Variants in TRUB1 observed in about 807,000 individuals in gnomAD.
The protein encoded by TRUB1 is TruB pseudouridine synthase family member 1.
In TRUB1, 23 loss-of-function variants were observed where a neutral mutation model predicts 33.9. The ratio of observed to expected loss-of-function variants is 0.68; its 90% confidence interval spans 0.49 to 0.96. TRUB1 has a LOEUF of 0.96. TRUB1 is among the 40% of genes least tolerant of loss of function. TRUB1 has a pLI of 0.00. For missense variants in TRUB1, 378 were observed against 422.2 expected (o/e 0.90, Z 0.92); for synonymous variants, 163 against 165.4 (o/e 0.99, Z 0.11).
At chr10:114,940,309 C>G (rs897365778) in intron 1 of TRUB1, among the ~76,000 whole-genome samples, 5 of 152,000 alleles carry the variant, frequency 3.3e-5, no homozygotes, top group African/African-American at 1.2e-4. Flanking sequence ...TTGGTAGAGA[C>G]GGGGTTTCTC....
At chr10:114,963,278 T>C (rs1479746439) in intron 4 of TRUB1, among the ~76,000 whole-genome samples, 1 of 152,204 alleles carries the variant, frequency 6.6e-6, no homozygotes, top group African/African-American at 2.4e-5. Flanking sequence ...TATCTAATGG[T>C]ACTGTCTCCT....
intron 1 of TRUB1, among the ~76,000 whole-genome samples, chr10:114,940,651 C>T (rs1412306231): frequency 1.3e-5 from 2 of 152,180 alleles, no homozygotes; most frequent in African/African-American, 4.8e-5. Context: ...GAACCAAATT[C>T]CCCACTTTAT....
intron 2 of TRUB1, 74 bp from the exon 3 acceptor site, chr10:114,951,020 C>T: frequency 1.5e-6 from 2 of 1,347,598 alleles, no homozygotes; most frequent in East Asian, 4.7e-5. Context: ...GAAATTATGA[C>T]CAAAAAATAT....
At chr10:114,967,306 G>T (rs2084314634) in intron 4 of TRUB1, among the ~76,000 whole-genome samples, 2 of 152,262 alleles carry the variant, frequency 1.3e-5, no homozygotes, top group South Asian at 4.1e-4. Flanking sequence ...TACAGTGCTT[G>T]CTGCCTGTTG....
At chr10:114,961,669 T>C (rs1165744284) in intron 4 of TRUB1, among the ~76,000 whole-genome samples, 1 of 152,214 alleles carries the variant, frequency 6.6e-6, no homozygotes. Context: ...TCCTACAGTT[T>C]ATTGAATAGT....
intron 2 of TRUB1, among the ~76,000 whole-genome samples, chr10:114,946,312 T>G (rs534820330): frequency 6.6e-6 from 1 of 152,264 alleles, no homozygotes; most frequent in Non-Finnish European, 1.5e-5. Flanking sequence ...CTTTATCCTG[T>G]GAAGTGCTGT....
At chr10:114,971,523 T>C (rs550951776) in intron 5 of TRUB1, among the ~76,000 whole-genome samples, 1 of 152,088 alleles carries the variant, frequency 6.6e-6, no homozygotes, top group African/African-American at 2.4e-5. Context: ...ATTTAAAAAT[T>C]TTAGCAAGAT....
At position 114,938,427 on chromosome 10, in the gene TRUB1, G is replaced by T; in HGVS notation, c.174G>T (p.Lys58Asn). The stretch of plus-strand genomic sequence containing the variant: ...CCGGATCCGAAGCCAGGGTCTCCAA[G>T]GCCGCTTTGGCTACCAAGCTGCTGT... ...ARTGSEARVS[K>N]AALATKLLSL... The change falls in exon 1 of 8, where the codon AAG becomes AAT. Residue 58 changes from lysine to asparagine, a missense_variant. By Grantham distance (94) the Lys-to-Asn change is moderately conservative. Coordinates refer to ENST00000298746, the MANE Select transcript of TRUB1 (RefSeq NM_139169.5). 3 of 1,596,818 alleles carry T rather than the reference G, an allele frequency of 1.9e-6. No individual in the cohort carries two copies. Among genetic ancestry groups the T allele is most frequent in the Non-Finnish European group, 2.6e-6 (3 of 1,171,592 alleles).
intron 4 of TRUB1, among the ~76,000 whole-genome samples, chr10:114,964,245 C>T (rs1053328942): frequency 1.6e-4 from 25 of 152,088 alleles, no homozygotes; most frequent in Non-Finnish European, 3.4e-4. Context: ...GATTTGGCAC[C>T]TTATTAAGTG....
At chr10:114,943,993 A>G (rs951579824) in intron 2 of TRUB1, among the ~76,000 whole-genome samples, 1 of 133,292 alleles carries the variant, frequency 7.5e-6, no homozygotes. Flanking sequence ...ATCCTTTTTT[A>G]TTCCATCTTT....
At chr10:114,958,851 C>T (rs538778930) in intron 3 of TRUB1, among the ~76,000 whole-genome samples, 7 of 152,274 alleles carry the variant, frequency 4.6e-5, no homozygotes, top group South Asian at 2.1e-4. Context: ...AACACATGGC[C>T]GGGCGTGGTG....
At position 114,945,556 on chromosome 10, in the gene TRUB1, C is replaced by T. The variant is rs1360618839; in HGVS notation, c.385+2813C>T. ...GCAGTGAATGAAAGTTTAGTTTTTA[C>T]CCTGAACCTAAGGCTAGCTTGTCCA... On this transcript the variant is annotated intron_variant, in intron 2 of 7. Transcript: ENST00000298746. Among the ~76,000 whole-genome samples the T allele has an allele frequency of 2.0e-5, 3 of 152,220 alleles. No individual in the cohort carries two copies. In the East Asian group the frequency reaches 5.8e-4, roughly 29 times the overall value.
chr10:114,964,126 G>A (rs1038214807), intron 4 of TRUB1, among the ~76,000 whole-genome samples: 3 of 152,184 alleles, frequency 2.0e-5, no homozygotes, highest in African/African-American at 4.8e-5. Context: ...GAGTGCATAA[G>A]CATTCCACTT....
intron 4 of TRUB1, 123 bp downstream of exon 4, chr10:114,959,930 G>A (rs554896144): frequency 1.6e-6 from 1 of 631,906 alleles, no homozygotes; most frequent in Admixed American, 3.3e-5. Context: ...GTTTCTTTGG[G>A]CTAAGAAGAT....
intron 4 of TRUB1, among the ~76,000 whole-genome samples, chr10:114,963,979 G>T (rs2084295634): frequency 6.6e-6 from 1 of 152,078 alleles, no homozygotes; most frequent in Admixed American, 6.5e-5. Flanking sequence ...GTGTGTGTGT[G>T]TGTGTGTGTG....
At chr10:114,972,405 G>A (rs377313474) in intron 6 of TRUB1, 131 bp downstream of exon 6, 10 of 1,072,046 alleles carry the variant, frequency 9.3e-6, no homozygotes, top group African/African-American at 4.9e-5. Context: ...AGGAAAGTTA[G>A]GATTTCTTTA....
Position 114,976,277 on chromosome 10 carries a change from A to G in TRUB1, c.*898A>G, listed in dbSNP as rs542124190. 4 of 152,296 alleles carry G rather than the reference A, an allele frequency of 2.6e-5. No homozygotes were observed. The South Asian group carries it at 8.3e-4, about 32-fold the overall frequency. The allele number at this position is 152,296 out of a possible 1,614,324, so 9.4% of individuals were successfully genotyped here. On this transcript the variant is annotated 3_prime_UTR_variant, in exon 8 of 8. Transcript: ENST00000298746. ...TCTTTAGTTTGCTCTTTCAAGAGAT[A>G]CTTACAGATGTTGAGATGGCTGCCC...
At chr10:114,971,997 A>G (rs981364850) in intron 5 of TRUB1, 138 bp from the exon 6 acceptor site, 13 of 935,500 alleles carry the variant, frequency 1.4e-5, no homozygotes, top group African/African-American at 3.4e-5. Flanking sequence ...CATTTTTTAG[A>G]AGGATTTTCA....
At chr10:114,958,031 A>G (rs947319773) in intron 3 of TRUB1, among the ~76,000 whole-genome samples, 1 of 152,214 alleles carries the variant, frequency 6.6e-6, no homozygotes, top group Non-Finnish European at 1.5e-5. Context: ...TTGTTACTCT[A>G]AACTCTTTGC....
Sources: gnomAD v4.1 joint callset for allele counts (sites outside exome capture counted in the v4.1 genomes callset) on GRCh38, gnomAD v4.1.1 for gene constraint, MANE v1.5 for transcripts, NCBI Gene and HGNC (gene_info 2026-07-23, HGNC 2026-07-21) for gene names.